Variants in RASGRP4 observed in about 807,000 individuals in gnomAD.
The protein encoded by RASGRP4 is RAS guanyl releasing protein 4.
RASGRP4 carries 52 observed loss-of-function variants against 84.4 expected under a neutral mutation model. The ratio of observed to expected loss-of-function variants is 0.62; its 90% confidence interval spans 0.49 to 0.78. The LOEUF (loss-of-function observed/expected upper bound fraction) is 0.78. Among genes scored for constraint, RASGRP4 ranks in the 30% least tolerant of loss-of-function variants. The pLI, the probability that RASGRP4 is intolerant of heterozygous loss-of-function variation, is 0.00. For missense variants in RASGRP4, 760 were observed against 886.9 expected (o/e 0.86, Z 1.82); for synonymous variants, 356 against 359.1 (o/e 0.99, Z 0.10).
At chr19:38,421,399 G>T (rs147454395) in intron 2 of RASGRP4, among the ~76,000 whole-genome samples, 199 bp from the exon 3 acceptor site, 1 of 152,192 alleles carries the variant, frequency 6.6e-6, no homozygotes, top group Non-Finnish European at 1.5e-5. Context: ...CCCCTGGCAA[G>T]TCTTGCTGAA....
chr19:38,415,189 T>C, intron 8 of RASGRP4, 66 bp from the exon 9 acceptor site: 4 of 1,444,404 alleles, frequency 2.8e-6, no homozygotes, highest in Non-Finnish European at 3.7e-6. Flanking sequence ...CAGCCTCCTG[T>C]GTGGGCTCTA....
rs1433041631 is a variant in RASGRP4, at chr19:38,418,044, G to A, written c.837+347C>T. Among the ~76,000 whole-genome samples, 1 of 152,096 alleles carries A rather than the reference G, an allele frequency of 6.6e-6. No homozygotes were observed. The highest frequency in any genetic ancestry group is 2.4e-5 in the African/African-American group (1 of 41,396). The stretch of plus-strand genomic sequence containing the variant: ...GCACAATCCCGAAGCGACCGCTGGG[G>A]CCTGGGGACTGGGGATTGAAGCCTC... On this transcript the variant is annotated intron_variant, in intron 7 of 16. Coordinates refer to ENST00000615439, the MANE Select transcript of RASGRP4 (RefSeq NM_170604.3). The surrounding 1 kb of genome is among the most constrained non-coding windows in gnomAD (Gnocchi z 4.6).
At position 38,410,983 on chromosome 19, in the gene RASGRP4, T is replaced by G. The variant is rs1326161341; in HGVS notation, c.1868A>C (p.His623Pro). ...PHASCGSEEN[H>P]SYTLSLEPET... ...AGGCTCCAGGGATAGCGTGTAGGAG[T>G]GATTTTCCTCGGAGCCTGTTTGTGG... The change falls in exon 16 of 17, where the codon CAC becomes CCC. Residue 623 changes from histidine (H) to proline (P), a missense_variant. Physicochemically the swap from His to Pro is moderately conservative, Grantham distance 77. Transcript: ENST00000615439. The G allele has an allele frequency of 1.2e-6, 2 of 1,601,384 alleles. No homozygotes were observed. The highest frequency in any genetic ancestry group is 2.7e-5 in the African/African-American group (2 of 74,544).
At chr19:38,419,766 G>A (rs1239627102) in intron 6 of RASGRP4, 94 bp downstream of exon 6, 1 of 1,194,548 alleles carries the variant, frequency 8.4e-7, no homozygotes, top group Non-Finnish European at 1.2e-6. Context: ...GAATGACCAT[G>A]CAGGTGTCCT....
intron 13 of RASGRP4, 154 bp from the exon 14 acceptor site, chr19:38,411,535 A>G: frequency 2.6e-6 from 2 of 765,812 alleles, no homozygotes; most frequent in Non-Finnish European, 4.1e-6. Flanking sequence ...TGGGTGGGGT[A>G]CAGTGGCTCA....
chr19:38,414,925 G>A lies in RASGRP4; in HGVS notation c.1153C>T (p.Arg385Trp), dbSNP rs1388028960. The A allele has an allele frequency of 1.1e-5, 17 of 1,612,802 alleles. No individual in the cohort carries two copies. Among genetic ancestry groups the A allele is most frequent in the Non-Finnish European group, 1.4e-5 (17 of 1,179,500 alleles). Residue 385 changes from arginine to tryptophan, a missense_variant, in exon 9 of 17, where the codon CGG (arginine) becomes TGG (tryptophan). Transcript: ENST00000615439. ...HLPKLNNLYL[R>W]LQELVALQGQ... is the part of the protein sequence containing the mutation. ...TGGAGGGCCACCAGCTCCTGCAGCC[G>A]CAGGTAGAGGTTGTTCAGCTTGGGT...
chr19:38,409,101 C>T lies in RASGRP4; in HGVS notation c.*939G>A, dbSNP rs1971107765. On this transcript the variant is annotated 3_prime_UTR_variant, in exon 17 of 17. Coordinates refer to ENST00000615439, the MANE Select transcript of RASGRP4 (RefSeq NM_170604.3). Reference sequence around the variant, plus strand: ...TTTATGACAGCTGTAGGACCTCTCTCTGTGGGGGCCAAGTCAGGGGTGTTG... The same window carrying T: ...TTTATGACAGCTGTAGGACCTCTCTTTGTGGGGGCCAAGTCAGGGGTGTTG... The T allele has an allele frequency of 2.7e-6, 1 of 364,644 alleles. No individual in the cohort carries two copies. Among genetic ancestry groups the T allele is most frequent in the South Asian group, 4.9e-5 (1 of 20,586 alleles). The allele number at this position is 364,644 out of a possible 1,614,324, so 22.6% of individuals were successfully genotyped here.
Position 38,422,110 on chromosome 19 carries a change from G to A in RASGRP4, c.67C>T (p.Arg23Trp), listed in dbSNP as rs759135742. Residue 23 changes from arginine (R) to tryptophan (W), a missense_variant, in exon 2 of 17, where the codon CGG (arginine) becomes TGG (tryptophan). By Grantham distance (101) the Arg-to-Trp change is moderately radical. Transcript: ENST00000615439. ...TTGTGGCGGCGCACTTGGCGGGGCCGGCCTCGCCCTCCTATTTTTCCGGTG... is the reference window on the plus strand; with the variant it reads ...TTGTGGCGGCGCACTTGGCGGGGCCAGCCTCGCCCTCCTATTTTTCCGGTG... ...ECTGKIGGRGRPRQVRRHKTC... is the reference protein window; with the variant it reads ...ECTGKIGGRGWPRQVRRHKTC... 10 of 1,612,858 alleles carry A rather than the reference G, an allele frequency of 6.2e-6. No individual in the cohort carries two copies. The highest frequency in any genetic ancestry group is 1.7e-4 in the Middle Eastern group (1 of 6,056).
In RASGRP4 at chr19:38,421,946, G is replaced by A. The variant is rs770029160; in HGVS notation, c.208+23C>T. 13 of 1,597,160 alleles carry A rather than the reference G, an allele frequency of 8.1e-6. No individual in the cohort carries two copies. The East Asian group carries it at 2.7e-4, about 33-fold the overall frequency. ...TGAGCCCGAGGTTAGGGCCAGGGAG[G>A]CTGCTGGGGAGAGGACACTTACCGA... On this transcript the variant is annotated intron_variant, in intron 2 of 16. Coordinates refer to ENST00000615439, the MANE Select transcript of RASGRP4 (RefSeq NM_170604.3).
intron 4 of RASGRP4, 139 bp from the exon 5 acceptor site, chr19:38,420,401 T>G: frequency 2.3e-6 from 2 of 871,576 alleles, no homozygotes; most frequent in Non-Finnish European, 3.4e-6. Flanking sequence ...GGGTTGGGGT[T>G]TGGAGGGGCA....
Position 38,426,190 on chromosome 19 carries a change from G to A in RASGRP4, c.-99C>T, listed in dbSNP as rs2145256781. The stretch of plus-strand genomic sequence containing the variant: ...CAGCTTCTCAGCCCCTAGGGAGCTG[G>A]GGCCTCCTCGGTGCTTGGGAAGGAA... On this transcript the variant is annotated 5_prime_UTR_variant, in exon 1 of 17. Coordinates refer to ENST00000615439, the MANE Select transcript of RASGRP4 (RefSeq NM_170604.3). The A allele has an allele frequency of 1.0e-6, 1 of 982,844 alleles. No individual in the cohort carries two copies. Among genetic ancestry groups the A allele is most frequent in the East Asian group, 3.3e-5 (1 of 30,626 alleles). 60.9% of individuals were successfully genotyped at this position (982,844 alleles called of 1,614,324 possible). A position where few individuals can be genotyped will look rare whatever the true frequency, so the allele number is the denominator to read the frequency against.
intron 8 of RASGRP4, 148 bp from the exon 9 acceptor site, chr19:38,415,271 TC>T: frequency 1.6e-6 from 1 of 631,454 alleles, no homozygotes; most frequent in South Asian, 2.7e-5. Context: ...TCTCAGCATC[TC>T]CCCCAAACTG....
chr19:38,413,667 C>T lies in RASGRP4; in HGVS notation c.1231-193G>A, dbSNP rs572533129. Among the ~76,000 whole-genome samples the T allele has an allele frequency of 5.9e-5, 9 of 152,232 alleles. No homozygotes were observed. Among genetic ancestry groups the T allele is most frequent in the African/African-American group, 2.2e-4 (9 of 41,526 alleles). On this transcript the variant is annotated intron_variant, in intron 9 of 16. Transcript: ENST00000615439. This position sits in a 1 kb window ranked among gnomAD's most constrained non-coding sequence, Gnocchi z 4.7. ...CTACAGAATGGGCACAGTAAGGGTCCCGACCTCATAGGGTTGTAAGGTGGA... is the reference window on the plus strand; with the variant it reads ...CTACAGAATGGGCACAGTAAGGGTCTCGACCTCATAGGGTTGTAAGGTGGA...
intron 8 of RASGRP4, among the ~76,000 whole-genome samples, chr19:38,416,490 A>G (rs1051093567): frequency 7.2e-6 from 1 of 138,470 alleles, no homozygotes; most frequent in Non-Finnish European, 1.5e-5. Flanking sequence ...AAAAAAAAAA[A>G]TTTCTGGAGA....
At chr19:38,425,486 G>T (rs1420779597) in intron 1 of RASGRP4, among the ~76,000 whole-genome samples, 1 of 152,164 alleles carries the variant, frequency 6.6e-6, no homozygotes, top group African/African-American at 2.4e-5. Context: ...TTGCCCATCA[G>T]AGTGGTGCTG....
At chr19:38,420,544 T>C (rs1971698814) in intron 4 of RASGRP4, among the ~76,000 whole-genome samples, 2 of 148,432 alleles carry the variant, frequency 1.3e-5, no homozygotes, top group Admixed American at 1.4e-4. Flanking sequence ...TCCTAGGAAC[T>C]AGACTGGGGG....
chr19:38,425,203 A>C (rs1457831762), intron 1 of RASGRP4, among the ~76,000 whole-genome samples: 4 of 152,104 alleles, frequency 2.6e-5, no homozygotes, highest in Middle Eastern at 3.4e-3. Flanking sequence ...AAACAAAAAA[A>C]AAAAAACCAA....
intron 13 of RASGRP4, 95 bp from the exon 14 acceptor site, chr19:38,411,476 A>G: frequency 8.3e-7 from 1 of 1,210,042 alleles, no homozygotes; most frequent in South Asian, 1.6e-5. Context: ...GAAGCTACCC[A>G]GGTTTTGAAA....
At position 38,413,116 on chromosome 19, in the gene RASGRP4, C is replaced by T. The variant is rs1971338946; in HGVS notation, c.1417-67G>A. 6.4e-7 allele frequency: 1 copy of T among 1,572,982 alleles called. No individual in the cohort carries two copies. Among genetic ancestry groups the T allele is most frequent in the African/African-American group, 1.4e-5 (1 of 74,028 alleles). On this transcript the variant is annotated intron_variant, in intron 11 of 16. Transcript: ENST00000615439. This position sits in a 1 kb window ranked among gnomAD's most constrained non-coding sequence, Gnocchi z 4.7. ...AAATATGATCCCCATGGCCATAAGT[C>T]CCCACCTCCAGGCTCAGGGTTCTAC... is the stretch of plus-strand genomic sequence containing the variant.
Sources: allele counts gnomAD v4.1 joint callset (sites outside exome capture counted in the v4.1 genomes callset), GRCh38; gene constraint gnomAD v4.1.1; non-coding constraint Gnocchi (gnomAD v3.1); transcripts MANE v1.5; gene names NCBI Gene and HGNC (gene_info 2026-07-23, HGNC 2026-07-21).